DZIP3: variants seen among roughly 807,000 people sequenced by gnomAD.
The protein encoded by DZIP3 is E3 ubiquitin-protein ligase DZIP3.
A neutral mutation model predicts 162.0 loss-of-function variants in DZIP3; 118 were observed. The observed-to-expected ratio is 0.73, with a 90% confidence interval of 0.63 to 0.85. DZIP3 has a LOEUF of 0.85. Ranked by LOEUF, DZIP3 falls within the 40% of genes least tolerant of loss-of-function variation. The pLI is 0.00. For missense variants in DZIP3, 1,331 were observed against 1,407.0 expected (o/e 0.95, Z 0.86); for synonymous variants, 438 against 458.6 (o/e 0.96, Z 0.57).
intron 17 of DZIP3, 105 bp from the exon 18 acceptor site, chr3:108,651,032 T>C (rs957762726): frequency 5.1e-6 from 2 of 389,350 alleles, no homozygotes; most frequent in Non-Finnish European, 4.2e-6. Context: ...TCTTTAGTTA[T>C]GATCAAAAAT....
intron 21 of DZIP3, among the ~76,000 whole-genome samples, chr3:108,664,980 G>C (rs1480083818): frequency 6.6e-6 from 1 of 152,064 alleles, no homozygotes; most frequent in Admixed American, 6.5e-5. Flanking sequence ...CACCTCCTTG[G>C]CTTTTACATT....
At chr3:108,641,348 A>G (rs1311797363) in intron 12 of DZIP3, among the ~76,000 whole-genome samples, 1 of 152,186 alleles carries the variant, frequency 6.6e-6, no homozygotes, top group Non-Finnish European at 1.5e-5. Flanking sequence ...TTTTAAAATC[A>G]TATTTAGTGT....
At chr3:108,646,427 T>C (rs945993725) in intron 14 of DZIP3, among the ~76,000 whole-genome samples, 190 bp from the exon 15 acceptor site, 3 of 152,206 alleles carry the variant, frequency 2.0e-5, no homozygotes, top group Non-Finnish European at 4.4e-5. Flanking sequence ...ATCATGGGTT[T>C]ATAACCTTTA....
chr3:108,631,055 A>ACACACACACATACACTCTCTCTCTCTCT, intron 8 of DZIP3, among the ~76,000 whole-genome samples: 1 of 18,014 alleles, frequency 5.6e-5, no homozygotes, highest in African/African-American at 2.8e-4. Flanking sequence ...ACACACACAC[A>ACACACACACATACACTCTCTCTCTCTCT]CTCTCTCTCT....
At chr3:108,605,265 G>A (rs1024171750) in intron 1 of DZIP3, 70 bp from the exon 2 acceptor site, 7 of 1,126,376 alleles carry the variant, frequency 6.2e-6, no homozygotes, top group African/African-American at 4.8e-5. Context: ...AAATGATCAC[G>A]TTCTGTTTTC....
intron 2 of DZIP3, among the ~76,000 whole-genome samples, chr3:108,606,922 G>A (rs1415614149): frequency 1.3e-5 from 2 of 152,306 alleles, no homozygotes; most frequent in African/African-American, 4.8e-5. Context: ...TTGGGTTAAA[G>A]AGGGAATGAT....
chr3:108,602,331 C>CA (rs1369890654), intron 1 of DZIP3, among the ~76,000 whole-genome samples: 1 of 152,076 alleles, frequency 6.6e-6, no homozygotes, highest in African/African-American at 2.4e-5. Flanking sequence ...ACTGAGAGTT[C>CA]AGGTAGAAGG....
At chr3:108,609,730 A>G (rs1940591458) in intron 3 of DZIP3, among the ~76,000 whole-genome samples, 1 of 152,132 alleles carries the variant, frequency 6.6e-6, no homozygotes, top group Admixed American at 6.6e-5. Flanking sequence ...ATTTCCAGCT[A>G]CTTGAGGGGC....
intron 32 of DZIP3, 126 bp downstream of exon 32, chr3:108,691,029 C>A: frequency 8.4e-6 from 6 of 710,914 alleles, no homozygotes; most frequent in South Asian, 2.1e-5. Flanking sequence ...AAAGCAGCAG[C>A]CAAAGAAGTC....
At chr3:108,625,137 A>G (rs1252129026) in intron 6 of DZIP3, among the ~76,000 whole-genome samples, 1 of 152,186 alleles carries the variant, frequency 6.6e-6, no homozygotes, top group Non-Finnish European at 1.5e-5. Context: ...AAGTAAGGCC[A>G]GGCAGCATTT....
intron 4 of DZIP3, among the ~76,000 whole-genome samples, chr3:108,615,753 T>C (rs535688778): frequency 2.6e-5 from 4 of 152,328 alleles, no homozygotes; most frequent in African/African-American, 9.6e-5. Flanking sequence ...TAATAAAGCA[T>C]GCATTAGCTC....
chr3:108,651,260 C>A, intron 18 of DZIP3, 98 bp downstream of exon 18: 1 of 390,618 alleles, frequency 2.6e-6, no homozygotes, highest in Non-Finnish European at 3.8e-6. Flanking sequence ...GAAGTTTTCT[C>A]ACTAAGAGAA....
chr3:108,636,431 A>G (rs1473156658), intron 10 of DZIP3, among the ~76,000 whole-genome samples, 185 bp from the exon 11 acceptor site: 1 of 152,016 alleles, frequency 6.6e-6, no homozygotes, highest in Non-Finnish European at 1.5e-5. Context: ...GAAATCATAC[A>G]TTTTAAATAG....
chr3:108,687,922 CA>C, intron 28 of DZIP3, 53 bp from the exon 29 acceptor site: 1 of 1,609,966 alleles, frequency 6.2e-7, no homozygotes, highest in Non-Finnish European at 8.5e-7. Flanking sequence ...GGTACATCCT[CA>C]AAGGTACTAA....
intron 2 of DZIP3, 144 bp from the exon 3 acceptor site, chr3:108,607,945 T>C (rs540602549): frequency 2.9e-6 from 2 of 690,808 alleles, no homozygotes; most frequent in South Asian, 3.4e-5. Flanking sequence ...TCTAAAGAGA[T>C]ATGGCACCTA....
intron 26 of DZIP3, among the ~76,000 whole-genome samples, chr3:108,678,538 A>G (rs1440323439): frequency 1.3e-5 from 2 of 151,946 alleles, no homozygotes; most frequent in Non-Finnish European, 2.9e-5. Context: ...TCTACCTCCA[A>G]CAGCAAGGAC....
intron 10 of DZIP3, 146 bp from the exon 11 acceptor site, chr3:108,636,470 T>A (rs774264942): frequency 2.0e-6 from 1 of 495,214 alleles, no homozygotes; most frequent in Non-Finnish European, 3.5e-6. Context: ...AAATGGACCA[T>A]CTTTTAACAG....
chr3:108,641,975 T>C (rs1011381029), intron 12 of DZIP3, among the ~76,000 whole-genome samples: 2 of 152,218 alleles, frequency 1.3e-5, no homozygotes, highest in African/African-American at 2.4e-5. Flanking sequence ...ATTATTTGTA[T>C]TGATGTTCTA....
At chr3:108,652,188 G>A (rs886540726) in intron 18 of DZIP3, among the ~76,000 whole-genome samples, 1 of 151,736 alleles carries the variant, frequency 6.6e-6, no homozygotes, top group African/African-American at 2.4e-5. Flanking sequence ...AGGAAGCTTT[G>A]TCTTTAAATG....
Sources: allele counts gnomAD v4.1 joint callset (sites outside exome capture counted in the v4.1 genomes callset), GRCh38; gene constraint gnomAD v4.1.1; transcripts MANE v1.5; gene names NCBI Gene and HGNC (gene_info 2026-07-23, HGNC 2026-07-21).